The following EHD2 variants were observed in gnomAD, a reference collection of about 807,000 sequenced individuals.
The protein encoded by EHD2 is EH domain-containing protein 2.
In EHD2, 27 loss-of-function variants were observed where a neutral mutation model predicts 41.0. That is an observed-to-expected ratio of 0.66 (90% CI 0.49 to 0.91). EHD2 has a LOEUF of 0.91. EHD2 is among the 40% of genes least tolerant of loss of function. The probability of loss-of-function intolerance (pLI) is 0.00; values close to 1 mark genes in which losing one functional copy is unlikely to be tolerated. For synonymous variants in EHD2, 342 were observed against 341.0 expected, an observed-to-expected ratio of 1.00 and a Z score of -0.03; for missense variants, 673 against 773.9, an observed-to-expected ratio of 0.87 and a Z score of 1.55.
At chr19:47,728,433 T>C (rs2123648632) in intron 4 of EHD2, among the ~76,000 whole-genome samples, 1 of 152,228 alleles carries the variant, frequency 6.6e-6, no homozygotes, top group Middle Eastern at 3.4e-3. Context: ...TGAATGAATA[T>C]AACTTCCCCC....
chr19:47,714,186 C>T (rs534229924), intron 1 of EHD2, among the ~76,000 whole-genome samples: 1 of 152,146 alleles, frequency 6.6e-6, no homozygotes, highest in African/African-American at 2.4e-5. Flanking sequence ...CCACTGGGCA[C>T]CCCTGCAAGC....
chr19:47,717,764 T>C (rs1203688515), intron 2 of EHD2, among the ~76,000 whole-genome samples: 2 of 149,164 alleles, frequency 1.3e-5, no homozygotes, highest in Non-Finnish European at 3.0e-5. Context: ...AAAAATTAGC[T>C]GGGTGTGGTG....
At position 47,741,290 on chromosome 19, in the gene EHD2, G is replaced by A. The variant is rs780148659; in HGVS notation, c.1490G>A (p.Arg497His). The change falls in exon 6 of 6, where the codon CGC (arginine) becomes CAC (histidine). Residue 497 changes from arginine to histidine, a missense_variant. Arg to His is a conservative substitution (Grantham distance 29). Coordinates refer to ENST00000263277, the MANE Select transcript of EHD2 (RefSeq NM_014601.4). This position sits in a 1 kb window ranked among gnomAD's most constrained non-coding sequence, Gnocchi z 4.5. ...GRIWKLSDVD[R>H]DGMLDDEEFA... is the part of the protein sequence containing the mutation. ...ATCTGGAAGCTCAGCGATGTGGACC[G>A]CGACGGCATGCTGGATGATGAGGAG... 6.8e-6 allele frequency: 11 copies of A among 1,613,902 alleles called. No individual in the cohort carries two copies. Among genetic ancestry groups the A allele is most frequent in the African/African-American group, 1.3e-5 (1 of 74,926 alleles).
intron 5 of EHD2, among the ~76,000 whole-genome samples, chr19:47,740,054 C>T (rs1966969038): frequency 6.6e-6 from 1 of 152,030 alleles, no homozygotes; most frequent in African/African-American, 2.4e-5. Context: ...TCAAATACTT[C>T]TGCATGTGTC....
At chr19:47,726,674 C>T (rs1973756982) in intron 4 of EHD2, among the ~76,000 whole-genome samples, 1 of 151,188 alleles carries the variant, frequency 6.6e-6, no homozygotes, top group Admixed American at 6.6e-5. Flanking sequence ...CTTTCGTTCC[C>T]TCTTCTTCCT....
At chr19:47,740,800 G>C in intron 5 of EHD2, 81 bp from the exon 6 acceptor site, 1 of 1,474,236 alleles carries the variant, frequency 6.8e-7, no homozygotes, top group African/African-American at 1.4e-5. Context: ...AGCTTCTCCA[G>C]TGTCCTGATA....
At chr19:47,727,579 T>C (rs1331439154) in intron 4 of EHD2, among the ~76,000 whole-genome samples, 1 of 151,726 alleles carries the variant, frequency 6.6e-6, no homozygotes, top group Non-Finnish European at 1.5e-5. Flanking sequence ...CTGACACTAA[T>C]AAGTTCTGAT....
chr19:47,740,266 G>A (rs747631477), intron 5 of EHD2, among the ~76,000 whole-genome samples: 1 of 151,990 alleles, frequency 6.6e-6, no homozygotes, highest in Admixed American at 6.6e-5. Context: ...AATTGCGGGG[G>A]CTGAGGAGGG....
intron 4 of EHD2, 91 bp from the exon 5 acceptor site, chr19:47,736,278 C>A: frequency 2.4e-6 from 3 of 1,235,176 alleles, no homozygotes; most frequent in Non-Finnish European, 3.4e-6. Context: ...CCAAGTAAAT[C>A]AGAATCTCTG....
At chr19:47,740,838 A>G (rs1329193772) in intron 5 of EHD2, 43 bp from the exon 6 acceptor site, 1 of 1,596,498 alleles carries the variant, frequency 6.3e-7, no homozygotes, top group Non-Finnish European at 8.5e-7. Flanking sequence ...GGCCTCAGGG[A>G]TGGCGCCGCT....
intron 4 of EHD2, among the ~76,000 whole-genome samples, chr19:47,732,506 A>G (rs984374615): frequency 6.6e-6 from 1 of 151,846 alleles, no homozygotes. Flanking sequence ...TCAGTCTCAA[A>G]CCTCTGGGCT....
Position 47,742,282 on chromosome 19 carries a change from C to CTTTA in EHD2, c.*853_*854insATTT, listed in dbSNP as rs1967000170. The CTTTA allele has an allele frequency of 3.6e-6, 1 of 276,490 alleles. No individual in the cohort carries two copies. The highest frequency in any genetic ancestry group is 7.0e-6 in the Non-Finnish European group (1 of 142,836). The allele number at this position is 276,490 out of a possible 1,614,324, so 17.1% of individuals were successfully genotyped here. ...CCTTCCCTTTCCTGTCCTGTCCTTT[C>CTTTA]TTTCTTTTTTGATAGAATCTTGCTC... On this transcript the variant is annotated 3_prime_UTR_variant, in exon 6 of 6. Coordinates refer to ENST00000263277, the MANE Select transcript of EHD2 (RefSeq NM_014601.4).
intron 2 of EHD2, among the ~76,000 whole-genome samples, chr19:47,718,205 G>A (rs1325285235): frequency 2.6e-5 from 4 of 151,126 alleles, no homozygotes; most frequent in East Asian, 1.9e-4. Context: ...CTCGGGAGGC[G>A]GAGGTTGCAG....
At position 47,736,486 on chromosome 19, in the gene EHD2, G is replaced by A. The variant is rs774103640; in HGVS notation, c.1033G>A (p.Glu345Lys). The A allele has an allele frequency of 1.9e-6, 3 of 1,612,446 alleles. No individual in the cohort carries two copies. The highest frequency in any genetic ancestry group is 2.7e-5 in the African/African-American group (2 of 74,944). Residue 345 changes from glutamate (E) to lysine (K), a missense_variant, in exon 5 of 6, where the codon GAA becomes AAA. Glu to Lys is a moderately conservative substitution (Grantham distance 56). Transcript: ENST00000263277. ...CGTCATCTTTGCGAAGATTCAGCTG[G>A]AACATCACATCTCCCCTGGGGACTT... Reference protein sequence around the residue: ...LPVIFAKIQLEHHISPGDFPD... With the variant: ...LPVIFAKIQLKHHISPGDFPD...
intron 4 of EHD2, 48 bp downstream of exon 4, chr19:47,726,272 C>T (rs375067782): frequency 1.4e-6 from 2 of 1,449,710 alleles, no homozygotes; most frequent in African/African-American, 1.4e-5. Context: ...GAGGTTTCCT[C>T]GGTCCTCTCC....
chr19:47,721,174 T>C (rs1264112149), intron 3 of EHD2, among the ~76,000 whole-genome samples: 1 of 126,960 alleles, frequency 7.9e-6, no homozygotes, highest in African/African-American at 4.7e-5. Context: ...GGTGTGTGTG[T>C]GTGTGTGTGT....
At position 47,716,899 on chromosome 19, in the gene EHD2, G is replaced by C; in HGVS notation, c.287G>C (p.Cys96Ser). Reference sequence around the variant, plus strand: ...GTGGGGCCTGAGCCCACCACCGACTGCTTTGTGGCCGTCATGCACGGGGAC... The same window carrying C: ...GTGGGGCCTGAGCCCACCACCGACTCCTTTGTGGCCGTCATGCACGGGGAC... ...SRVGPEPTTD[C>S]FVAVMHGDTE... Residue 96 changes from cysteine to serine, a missense_variant, in exon 2 of 6, where the codon TGC becomes TCC. Cys to Ser is a moderately radical substitution (Grantham distance 112, BLOSUM62 -1). Transcript: ENST00000263277. The C allele has an allele frequency of 6.2e-7, 1 of 1,612,538 alleles. No homozygotes were observed. The highest frequency in any genetic ancestry group is 8.5e-7 in the Non-Finnish European group (1 of 1,179,918).
At chr19:47,730,289 CT>C (rs1477793888) in intron 4 of EHD2, among the ~76,000 whole-genome samples, 1 of 152,112 alleles carries the variant, frequency 6.6e-6, no homozygotes, top group Non-Finnish European at 1.5e-5. Context: ...GCCCTGCCCC[CT>C]GGCTCCATTG....
Position 47,720,851 on chromosome 19 carries a change from ATG to A in EHD2, c.502+2256_502+2257del, listed in dbSNP as rs201018827. On this transcript the variant is annotated intron_variant, in intron 3 of 5. Coordinates refer to ENST00000263277, the MANE Select transcript of EHD2 (RefSeq NM_014601.4). ...TCTGTGTGGTGTTGTGTATGTGAGA[ATG>A]TGTGTGTGTGCAGGAGTGCATCTTT... Among the ~76,000 whole-genome samples, 37 of 151,496 alleles carry A rather than the reference ATG, an allele frequency of 2.4e-4. No homozygotes were observed. The East Asian group carries it at 6.4e-3, about 26-fold the overall frequency.
Sources: gnomAD v4.1 joint callset for allele counts (sites outside exome capture counted in the v4.1 genomes callset) on GRCh38, gnomAD v4.1.1 for gene constraint, Gnocchi (gnomAD v3.1) non-coding constraint, MANE v1.5 for transcripts, NCBI Gene and HGNC (gene_info 2026-07-23, HGNC 2026-07-21) for gene names.